The following DYM variants were observed in gnomAD, a reference collection of about 807,000 sequenced individuals.
The protein encoded by DYM is dymeclin.
Under a neutral mutation model 93.1 loss-of-function variants are expected in DYM, and 78 were observed. The observed-to-expected ratio is 0.84, with a 90% confidence interval of 0.70 to 1.01. DYM has a LOEUF of 1.01. DYM is among the 50% of genes least tolerant of loss of function. The pLI is 0.00. For missense variants in DYM, 789 were observed against 845.0 expected, an observed-to-expected ratio of 0.93 and a Z score of 0.82; for synonymous variants, 321 against 319.7, an observed-to-expected ratio of 1.00 and a Z score of -0.04.
At chr18:49,271,942 AT>A (rs1247451996) in intron 11 of DYM, among the ~76,000 whole-genome samples, 2 of 149,114 alleles carry the variant, frequency 1.3e-5, no homozygotes, top group Non-Finnish European at 3.0e-5. Flanking sequence ...CAGCAAAAGC[AT>A]TTGTATCAAT....
intron 5 of DYM, among the ~76,000 whole-genome samples, chr18:49,368,949 C>T (rs986017842): frequency 3.9e-5 from 6 of 152,326 alleles, no homozygotes; most frequent in African/African-American, 1.4e-4. Flanking sequence ...TCAGCCACTG[C>T]CTTCACTGTT....
At position 49,378,643 on chromosome 18, in the gene DYM, T is replaced by G; in HGVS notation, c.345A>C (p.Lys115Asn). The G allele has an allele frequency of 6.2e-7, 1 of 1,613,424 alleles. No individual in the cohort carries two copies. The highest frequency in any genetic ancestry group is 8.5e-7 in the Non-Finnish European group (1 of 1,179,598). Residue 115 changes from lysine to asparagine, a missense_variant, in exon 5 of 18, where the codon AAA becomes AAC. Coordinates refer to ENST00000675505, the MANE Select transcript of DYM (RefSeq NM_001353214.3). ...NALFIICCLL[K>N]VFICQMSEEE... ...CCTCTGACATCTGACAGATGAACAC[T>G]TTCAGCAAACAGCAAATAATAAACA... is the stretch of plus-strand genomic sequence containing the variant.
intron 11 of DYM, among the ~76,000 whole-genome samples, chr18:49,268,936 A>T (rs2094621344): frequency 1.3e-5 from 2 of 152,164 alleles, no homozygotes; most frequent in Non-Finnish European, 2.9e-5. Context: ...AAGCTACAAA[A>T]GCAAAAATAA....
chr18:49,429,492 T>G (rs1005109026), intron 2 of DYM, among the ~76,000 whole-genome samples: 1 of 152,224 alleles, frequency 6.6e-6, no homozygotes, highest in Non-Finnish European at 1.5e-5. Context: ...ACAGTTTTTG[T>G]AATAGAATTA....
intron 1 of DYM, among the ~76,000 whole-genome samples, chr18:49,458,788 G>A (rs370268475): frequency 2.6e-5 from 4 of 152,142 alleles, no homozygotes; most frequent in South Asian, 2.1e-4. Flanking sequence ...GCCGTGAGCC[G>A]GGATCACGCC....
chr18:49,052,346 A>C (rs1311663221), intron 17 of DYM, among the ~76,000 whole-genome samples: 1 of 152,204 alleles, frequency 6.6e-6, no homozygotes, highest in African/African-American at 2.4e-5. Context: ...TTGAGACTTA[A>C]ATAGCAATTC....
intron 13 of DYM, among the ~76,000 whole-genome samples, chr18:49,236,479 CAAA>C (rs57432048): frequency 7.0e-6 from 1 of 142,414 alleles, no homozygotes. Context: ...GACTCTGTCT[CAAA>C]AAAAAAAATA....
chr18:49,192,279 A>G (rs1484415591), intron 14 of DYM, among the ~76,000 whole-genome samples: 2 of 152,074 alleles, frequency 1.3e-5, no homozygotes, highest in African/African-American at 4.8e-5. Flanking sequence ...AAATGGGAAT[A>G]ATAATATCTC....
At chr18:49,143,450 C>G (rs1250746665) in intron 15 of DYM, among the ~76,000 whole-genome samples, 1 of 152,098 alleles carries the variant, frequency 6.6e-6, no homozygotes, top group African/African-American at 2.4e-5. Context: ...TTACACAGTA[C>G]TTGTTATATG....
chr18:49,311,507 G>A (rs941178867), intron 8 of DYM, among the ~76,000 whole-genome samples: 2 of 152,144 alleles, frequency 1.3e-5, no homozygotes, highest in South Asian at 2.1e-4. Flanking sequence ...GCTGAATTAA[G>A]AAAATGTGGC....
chr18:49,262,052 T>C (rs564525038), intron 11 of DYM, among the ~76,000 whole-genome samples: 2 of 152,298 alleles, frequency 1.3e-5, no homozygotes, highest in South Asian at 4.1e-4. Context: ...AATGTGACCT[T>C]ACATGGATAG....
intron 15 of DYM, among the ~76,000 whole-genome samples, chr18:49,133,901 A>C (rs1444428920): frequency 6.6e-6 from 1 of 152,222 alleles, no homozygotes; most frequent in Admixed American, 6.5e-5. Context: ...GGATGTGGAC[A>C]CTTTTCAGGG....
intron 5 of DYM, among the ~76,000 whole-genome samples, chr18:49,369,284 T>A (rs986272478): frequency 6.6e-6 from 1 of 152,198 alleles, no homozygotes; most frequent in African/African-American, 2.4e-5. Flanking sequence ...CCCCATTGCC[T>A]GAGAGTTCAT....
chr18:49,299,718 T>C (rs1423781709), intron 8 of DYM, among the ~76,000 whole-genome samples: 1 of 152,104 alleles, frequency 6.6e-6, no homozygotes, highest in Admixed American at 6.6e-5. Flanking sequence ...AATTTTGCAT[T>C]TTTACAGATG....
intron 2 of DYM, among the ~76,000 whole-genome samples, chr18:49,419,442 T>A (rs1364500211): frequency 6.6e-6 from 1 of 152,040 alleles, no homozygotes; most frequent in Non-Finnish European, 1.5e-5. Context: ...CCATAATAAC[T>A]TAAACTGTGA....
chr18:49,324,437 T>A (rs904256198), intron 8 of DYM, among the ~76,000 whole-genome samples: 1 of 152,210 alleles, frequency 6.6e-6, no homozygotes, highest in African/African-American at 2.4e-5. Flanking sequence ...CCATAGTGAT[T>A]GTTGTCAAGG....
At chr18:49,366,432 T>C (rs1484571679) in intron 5 of DYM, among the ~76,000 whole-genome samples, 1 of 152,208 alleles carries the variant, frequency 6.6e-6, no homozygotes, top group Non-Finnish European at 1.5e-5. Context: ...AAAGATTCAG[T>C]GTGTTTACTG....
chr18:49,063,307 C>CT (rs200482925), intron 17 of DYM, among the ~76,000 whole-genome samples: 2,503 of 135,548 alleles, frequency 0.018, 27 homozygotes, highest in South Asian at 0.026. Flanking sequence ...GATTTCTTTT[C>CT]TTTTTTTTTT....
intron 1 of DYM, among the ~76,000 whole-genome samples, chr18:49,456,261 T>C (rs780007155): frequency 8.5e-5 from 13 of 152,194 alleles, no homozygotes; most frequent in African/African-American, 1.2e-4. Flanking sequence ...CCTTTAATCG[T>C]CCACCTCTGG....
Sources: gnomAD v4.1 joint callset for allele counts (sites outside exome capture counted in the v4.1 genomes callset) on GRCh38, gnomAD v4.1.1 for gene constraint, MANE v1.5 for transcripts, NCBI Gene and HGNC (gene_info 2026-07-23, HGNC 2026-07-21) for gene names.